Variants in TBC1D2B observed in about 807,000 individuals in gnomAD.
The protein encoded by TBC1D2B is TBC1 domain family member 2B, also known as TBC1 domain family, member 2B.
A neutral mutation model predicts 100.8 loss-of-function variants in TBC1D2B; 64 were observed. The ratio of observed to expected loss-of-function variants is 0.64; its 90% CI spans 0.52 to 0.78. TBC1D2B has a LOEUF of 0.78. TBC1D2B is among the 30% of genes least tolerant of loss of function. The pLI is 0.00. For missense variants in TBC1D2B, 1,052 were observed against 1,218.4 expected (o/e 0.86, Z 2.03); for synonymous variants, 480 against 479.7 (o/e 1.00, Z -0.01).
At chr15:78,074,186 C>G (rs1349668912) in intron 1 of TBC1D2B, among the ~76,000 whole-genome samples, 1 of 151,738 alleles carries the variant, frequency 6.6e-6, no homozygotes, top group African/African-American at 2.4e-5. Flanking sequence ...CCATGCCCAG[C>G]CAATTTTTGT....
intron 4 of TBC1D2B, among the ~76,000 whole-genome samples, 157 bp downstream of exon 4, chr15:78,029,850 T>A (rs1026079713): frequency 1.3e-5 from 2 of 152,272 alleles, no homozygotes; most frequent in African/African-American, 2.4e-5. Context: ...ATTAAATAAT[T>A]TTTTAAGCCT....
chr15:78,005,077 A>G (rs550213942), intron 10 of TBC1D2B, among the ~76,000 whole-genome samples: 5 of 152,334 alleles, frequency 3.3e-5, no homozygotes. Flanking sequence ...AGGGAGGGGC[A>G]TATCAGCTGG....
At chr15:78,066,313 T>C (rs2073656715) in intron 1 of TBC1D2B, among the ~76,000 whole-genome samples, 2 of 152,272 alleles carry the variant, frequency 1.3e-5, no homozygotes, top group Middle Eastern at 3.4e-3. Context: ...CACACTTCAC[T>C]GGTCTTCACC....
At position 77,995,482 on chromosome 15, in the gene TBC1D2B, G is replaced by A. The variant is rs926584758; in HGVS notation, c.*2678C>T. The A allele has an allele frequency of 1.3e-5, 2 of 152,354 alleles. No homozygotes were observed. Among genetic ancestry groups the A allele is most frequent in the African/African-American group, 4.8e-5 (2 of 41,520 alleles). 9.4% of individuals were successfully genotyped at this position (152,354 alleles called of 1,614,324 possible). A position where few individuals can be genotyped will look rare whatever the true frequency, so the allele number is the denominator to read the frequency against. On this transcript the variant is annotated 3_prime_UTR_variant, in exon 13 of 13. Coordinates refer to ENST00000300584, the MANE Select transcript of TBC1D2B (RefSeq NM_144572.2). ...GAGTCAGTGAGAGTCAGGGCCAGAG[G>A]GAAAAGCAACTCGGAGGCTGAGGCT...
At chr15:78,032,911 G>A (rs1189528317) in intron 3 of TBC1D2B, among the ~76,000 whole-genome samples, 2 of 152,176 alleles carry the variant, frequency 1.3e-5, no homozygotes, top group Non-Finnish European at 2.9e-5. Flanking sequence ...AAGGGGACGA[G>A]AAGGGGAAGA....
chr15:78,004,598 G>GAAAC (rs1235075028), intron 10 of TBC1D2B, among the ~76,000 whole-genome samples: 16 of 152,198 alleles, frequency 1.1e-4, no homozygotes, highest in African/African-American at 3.6e-4. Flanking sequence ...GTACAAAACA[G>GAAAC]AAACAAATGT....
chr15:78,036,500 G>T (rs906410205), intron 3 of TBC1D2B, among the ~76,000 whole-genome samples: 1 of 152,198 alleles, frequency 6.6e-6, no homozygotes, highest in Non-Finnish European at 1.5e-5. Flanking sequence ...AGTGGGCCTA[G>T]ATTCAACTAC....
In TBC1D2B at chr15:77,996,180, C is replaced by T. The variant is rs1477136909; in HGVS notation, c.*1980G>A. ...AGCTGCTGACAACTGCCTGGAAACA[C>T]TAACATACCACCGTGGGTTGCAGCC... On this transcript the variant is annotated 3_prime_UTR_variant, in exon 13 of 13. Transcript: ENST00000300584. The T allele has an allele frequency of 6.6e-6, 1 of 152,088 alleles. No homozygotes were observed. Among genetic ancestry groups the T allele is most frequent in the Non-Finnish European group, 1.5e-5 (1 of 68,040 alleles). The allele number at this position is 152,088 out of a possible 1,614,324, so 9.4% of individuals were successfully genotyped here. A position where few individuals can be genotyped will look rare whatever the true frequency, so the allele number is the denominator to read the frequency against.
intron 3 of TBC1D2B, among the ~76,000 whole-genome samples, chr15:78,038,179 G>A (rs2072993577): frequency 6.6e-6 from 1 of 152,252 alleles, no homozygotes; most frequent in South Asian, 2.1e-4. Context: ...CCCACCATGA[G>A]CCAGGCAGTG....
At chr15:78,067,689 AAAG>A (rs2073681114) in intron 1 of TBC1D2B, among the ~76,000 whole-genome samples, 1 of 152,252 alleles carries the variant, frequency 6.6e-6, no homozygotes, top group South Asian at 2.1e-4. Context: ...AAAGGGGCAG[AAAG>A]AAGAAGCACA....
intron 1 of TBC1D2B, among the ~76,000 whole-genome samples, chr15:78,059,399 C>G (rs542380564): frequency 6.6e-6 from 1 of 152,290 alleles, no homozygotes; most frequent in Non-Finnish European, 1.5e-5. Context: ...GCACCAATCC[C>G]AATATGAGAC....
At chr15:78,007,046 A>C (rs1230436826) in intron 10 of TBC1D2B, among the ~76,000 whole-genome samples, 5 of 152,332 alleles carry the variant, frequency 3.3e-5, no homozygotes, top group Admixed American at 2.6e-4. Context: ...GGCGGGAAGG[A>C]CCACTCACAA....
Position 78,024,296 on chromosome 15 carries a change from T to C in TBC1D2B, c.1330A>G (p.Met444Val), listed in dbSNP as rs1391613769. 4.3e-6 allele frequency: 7 copies of C among 1,614,072 alleles called. No individual in the cohort carries two copies. The highest frequency in any genetic ancestry group is 5.9e-6 in the Non-Finnish European group (7 of 1,179,896). ...GELNEQLGML[M>V]ETIQAKDEVI... is the part of the protein sequence containing the mutation. ...TCGTCCTTGGCTTGGATGGTCTCCA[T>C]GAGCATTCCCAGCTGCTCGTTGAGC... is the stretch of plus-strand genomic sequence containing the variant. The change falls in exon 6 of 13, where the codon ATG becomes GTG. Residue 444 changes from methionine to valine, a missense_variant. Coordinates refer to ENST00000300584, the MANE Select transcript of TBC1D2B (RefSeq NM_144572.2).
chr15:78,030,164 C>G lies in TBC1D2B; in HGVS notation c.690G>C (p.Ser230=), dbSNP rs768759170. 4.4e-6 allele frequency: 7 copies of G among 1,606,018 alleles called. No individual in the cohort carries two copies. The highest frequency in any genetic ancestry group is 5.9e-6 in the Non-Finnish European group (7 of 1,177,216). The change falls in exon 4 of 13, where the codon TCG becomes TCC. Residue 230 remains serine (S), a synonymous_variant. Transcript: ENST00000300584. The part of the protein sequence containing the change: ...LKQWGNELKN[S]MSSFRPGRGH... ...CTCTCCCAGGACGGAAAGAAGACATCGAATTCCTGTTGGGAAAAACAATAT... is the reference window on the plus strand; with the variant it reads ...CTCTCCCAGGACGGAAAGAAGACATGGAATTCCTGTTGGGAAAAACAATAT...
chr15:78,016,617 C>A lies in TBC1D2B; in HGVS notation c.1704G>T (p.Leu568Phe). The stretch of plus-strand genomic sequence containing the variant: ...TCTCAACCTGCAGAGCATCCTCCAG[C>A]AACTGGGCTATGACCTCCCGGGTGG... Reference protein sequence around the residue: ...QGPTREVIAQLLEDALQVESQ... With the variant: ...QGPTREVIAQFLEDALQVESQ... The change falls in exon 8 of 13, where the codon TTG becomes TTT. Residue 568 changes from leucine to phenylalanine, a missense_variant. Around this residue, in one of 4 missense-constraint regions of TBC1D2B, gnomAD observed 373 missense variants for 464.9 expected, o/e 0.80. Coordinates refer to ENST00000300584, the MANE Select transcript of TBC1D2B (RefSeq NM_144572.2). 6.2e-7 allele frequency: 1 copy of A among 1,612,928 alleles called. No individual in the cohort carries two copies. The highest frequency in any genetic ancestry group is 8.5e-7 in the Non-Finnish European group (1 of 1,179,428).
chr15:78,029,059 ATT>A (rs145096122), intron 4 of TBC1D2B, among the ~76,000 whole-genome samples: 7,616 of 145,912 alleles, frequency 0.052, 383 homozygotes, highest in African/African-American at 0.12. Context: ...TGTGGTTATA[ATT>A]TTTTTTTTTT....
chr15:78,027,815 T>C (rs781329950), intron 4 of TBC1D2B, among the ~76,000 whole-genome samples: 1 of 152,214 alleles, frequency 6.6e-6, no homozygotes, highest in Non-Finnish European at 1.5e-5. Context: ...TTTTTCCAGG[T>C]AGCATTATCA....
chr15:78,024,167 C>T lies in TBC1D2B; in HGVS notation c.1459G>A (p.Asp487Asn). ...TGCCCCACTCTTACTTTCAGCCTGT[C>T]CAGTTCCAGCTGGTCCCTGGCAACA... ...VPVARDQLELDRLKDNLQGYK... is the reference protein window; with the variant it reads ...VPVARDQLELNRLKDNLQGYK... Residue 487 changes from aspartate to asparagine, a missense_variant, in exon 6 of 13, where the codon GAC becomes AAC. By Grantham distance (23) the Asp-to-Asn change is conservative. Coordinates refer to ENST00000300584, the MANE Select transcript of TBC1D2B (RefSeq NM_144572.2). 6.2e-7 allele frequency: 1 copy of T among 1,612,124 alleles called. No individual in the cohort carries two copies. Among genetic ancestry groups the T allele is most frequent in the South Asian group, 1.1e-5 (1 of 90,944 alleles).
Position 77,996,734 on chromosome 15 carries a change from A to G in TBC1D2B, c.*1426T>C, listed in dbSNP as rs551733039. 11 of 152,308 alleles carry G rather than the reference A, an allele frequency of 7.2e-5. No homozygotes were observed. The South Asian group carries it at 1.9e-3, about 26-fold the overall frequency. 9.4% of individuals were successfully genotyped at this position (152,308 alleles called of 1,614,324 possible). On this transcript the variant is annotated 3_prime_UTR_variant, in exon 13 of 13. Coordinates refer to ENST00000300584, the MANE Select transcript of TBC1D2B (RefSeq NM_144572.2). ...AAAAATAGGAAAAATACTTCTTAAA[A>G]CTGCATTGCTTCAATTCTTAGTCTC...
Sources: gnomAD v4.1 joint callset for allele counts (sites outside exome capture counted in the v4.1 genomes callset) on GRCh38, gnomAD v4.1.1 for gene constraint, gnomAD v4.1.1 regional missense constraint, MANE v1.5 for transcripts, NCBI Gene and HGNC (gene_info 2026-07-23, HGNC 2026-07-21) for gene names.